Variants in MECOM observed in about 807,000 individuals in gnomAD.
The protein encoded by MECOM is histone-lysine N-methyltransferase MECOM.
MECOM carries 13 observed loss-of-function variants against 116.3 expected under a neutral mutation model. The ratio of observed to expected loss-of-function variants is 0.11; its 90% CI spans 0.07 to 0.18. The LOEUF is 0.18. Ranked by LOEUF, MECOM falls within the 10% of genes least tolerant of loss-of-function variation. MECOM has a pLI of 1.00. For missense variants in MECOM, 1,299 were observed against 1,509.0 expected (o/e 0.86, Z 2.31); for synonymous variants, 528 against 535.2 (o/e 0.99, Z 0.19).
At chr3:169,108,963 G>A (rs1726365526) in intron 9 of MECOM, among the ~76,000 whole-genome samples, 1 of 152,156 alleles carries the variant, frequency 6.6e-6, no homozygotes, top group Admixed American at 6.5e-5. Flanking sequence ...GAAATAAAAT[G>A]TGCAAATAAC....
rs1421924617 is a variant in MECOM, at chr3:169,433,659, AAGAAAGAAAG to A, written c.38-52145_38-52136del. Among the ~76,000 whole-genome samples, 6 of 135,438 alleles carry A rather than the reference AAGAAAGAAAG, an allele frequency of 4.4e-5. No homozygotes were observed. The Admixed American group carries it at 6.1e-4, about 14-fold the overall frequency. The allele number at this position is 135,438 out of a possible 152,430, so 88.9% of individuals were successfully genotyped here. ...AGAAAGAGAAAGAAAGAAAGAAAGA[AAGAAAGAAAG>A]AAAGAAAGAAAGAAAGAAAGAGAAA... On this transcript the variant is annotated intron_variant, in intron 1 of 16. Transcript: ENST00000651503.
At chr3:169,370,865 G>A (rs557204173) in intron 2 of MECOM, among the ~76,000 whole-genome samples, 1 of 151,762 alleles carries the variant, frequency 6.6e-6, no homozygotes, top group African/African-American at 2.4e-5. Flanking sequence ...TAGAATGACT[G>A]TTATTGGCGA....
intron 2 of MECOM, among the ~76,000 whole-genome samples, chr3:169,197,145 A>G (rs1748520228): frequency 6.6e-6 from 1 of 151,806 alleles, no homozygotes; most frequent in African/African-American, 2.4e-5. Context: ...AGCGAACTAT[A>G]GACACCAGGA....
chr3:169,472,658 G>GAAAAGA (rs1169652096), intron 1 of MECOM, among the ~76,000 whole-genome samples: 1 of 57,902 alleles, frequency 1.7e-5, no homozygotes, highest in African/African-American at 7.2e-5. Context: ...GAAAAGAAAA[G>GAAAAGA]AAAGGAAAGG....
intron 1 of MECOM, among the ~76,000 whole-genome samples, chr3:169,605,096 T>C (rs1352878187): frequency 6.6e-6 from 1 of 151,944 alleles, no homozygotes; most frequent in East Asian, 1.9e-4. Context: ...AAACTCTGAG[T>C]GGGAGGTTTA....
intron 1 of MECOM, among the ~76,000 whole-genome samples, chr3:169,456,479 T>C (rs1051278295): frequency 1.3e-5 from 2 of 152,198 alleles, no homozygotes; most frequent in African/African-American, 4.8e-5. Context: ...AGGGATGCAT[T>C]TGTAAACAAC....
At chr3:169,661,867 A>G (rs1445860955) in intron 1 of MECOM, among the ~76,000 whole-genome samples, 3 of 152,192 alleles carry the variant, frequency 2.0e-5, no homozygotes, top group African/African-American at 7.2e-5. Flanking sequence ...TGCGTTCCGT[A>G]AACAACACAA....
chr3:169,413,816 G>A (rs1738030944), intron 1 of MECOM, among the ~76,000 whole-genome samples: 1 of 152,186 alleles, frequency 6.6e-6, no homozygotes. Context: ...CAAGGCCACT[G>A]TAGTCAAACT....
chr3:169,249,897 G>A (rs1309753508), intron 2 of MECOM, among the ~76,000 whole-genome samples: 3 of 152,220 alleles, frequency 2.0e-5, no homozygotes, highest in East Asian at 1.9e-4. Context: ...GAAAGGAACC[G>A]AGGTTGCAGA....
In MECOM at chr3:169,543,340, C is replaced by T. The variant is rs185648694; in HGVS notation, c.37+119996G>A. ...CTGCAGTTCCAGCACTTTGGGAGGC[C>T]GAGGCAGAGGACGGCTTGAGGCTAG... On this transcript the variant is annotated intron_variant, in intron 1 of 16. Coordinates refer to ENST00000651503, the MANE Select transcript of MECOM (RefSeq NM_004991.4). Among the ~76,000 whole-genome samples, 260 of 152,244 alleles carry T rather than the reference C, an allele frequency of 1.7e-3. 1 individual carries two copies. The highest frequency in any genetic ancestry group is 4.2e-3 in the Admixed American group (65 of 15,300).
chr3:169,362,285 T>G (rs530517261), intron 2 of MECOM, among the ~76,000 whole-genome samples: 1 of 151,856 alleles, frequency 6.6e-6, no homozygotes, highest in African/African-American at 2.4e-5. Flanking sequence ...TCCATAAAGA[T>G]GAAAAGAACT....
intron 9 of MECOM, among the ~76,000 whole-genome samples, chr3:169,111,795 A>T (rs564658917): frequency 1.3e-5 from 2 of 152,184 alleles, no homozygotes; most frequent in South Asian, 4.2e-4. Context: ...AAAAATACAA[A>T]AGAGGTAACA....
intron 1 of MECOM, among the ~76,000 whole-genome samples, chr3:169,409,985 A>T (rs1164417449): frequency 6.6e-6 from 1 of 152,192 alleles, no homozygotes; most frequent in Non-Finnish European, 1.5e-5. Context: ...TTTATCATTC[A>T]CCAATACTAT....
At chr3:169,230,717 C>T (rs1243502485) in intron 2 of MECOM, among the ~76,000 whole-genome samples, 1 of 152,126 alleles carries the variant, frequency 6.6e-6, no homozygotes, top group African/African-American at 2.4e-5. Context: ...CCTTTCATGG[C>T]CCATGGTCTG....
intron 1 of MECOM, among the ~76,000 whole-genome samples, chr3:169,601,337 C>T (rs912075179): frequency 6.6e-6 from 1 of 152,128 alleles, no homozygotes. Flanking sequence ...GAGGTTCTGC[C>T]GAATATGAAA....
At chr3:169,405,557 G>A (rs928481019) in intron 1 of MECOM, among the ~76,000 whole-genome samples, 2 of 152,306 alleles carry the variant, frequency 1.3e-5, no homozygotes, top group Admixed American at 6.5e-5. Context: ...TTCTTGGAAT[G>A]TTCCAGATCA....
intron 2 of MECOM, among the ~76,000 whole-genome samples, chr3:169,289,490 G>A (rs1483148778): frequency 1.3e-5 from 2 of 152,160 alleles, no homozygotes; most frequent in Non-Finnish European, 2.9e-5. Flanking sequence ...CCATTTATAT[G>A]GATGAACCTC....
chr3:169,663,245 C>G (rs1776566612), intron 1 of MECOM, 91 bp downstream of exon 1: 1 of 1,465,184 alleles, frequency 6.8e-7, no homozygotes, highest in African/African-American at 1.4e-5. Context: ...GCGCAAGAGG[C>G]AGCCCGCGCT....
intron 2 of MECOM, among the ~76,000 whole-genome samples, chr3:169,208,374 T>C (rs181943554): frequency 8.0e-5 from 12 of 150,594 alleles, no homozygotes; most frequent in Non-Finnish European, 1.3e-4. Flanking sequence ...AAATTTGTGG[T>C]ACAATTTGTG....
Sources: allele counts gnomAD v4.1 joint callset (sites outside exome capture counted in the v4.1 genomes callset), GRCh38; gene constraint gnomAD v4.1.1; transcripts MANE v1.5; gene names NCBI Gene and HGNC (gene_info 2026-07-23, HGNC 2026-07-21).